Variants in CDH4 observed in about 807,000 individuals in gnomAD.
The protein encoded by CDH4 is cadherin-4.
CDH4 carries 33 observed loss-of-function variants against 86.0 expected under a neutral mutation model. The ratio of observed to expected loss-of-function variants is 0.38; its 90% CI spans 0.29 to 0.51. The LOEUF is 0.51. Among genes scored for constraint, CDH4 ranks in the 20% least tolerant of loss-of-function variants. The probability of loss-of-function intolerance (pLI) is 0.86; values close to 1 mark genes in which losing one functional copy is unlikely to be tolerated. For synonymous variants in CDH4, 555 were observed against 549.4 expected (o/e 1.01, Z -0.14); for missense variants, 1,114 against 1,307.4 (o/e 0.85, Z 2.28).
chr20:61,881,897 C>T (rs553492455), intron 7 of CDH4, among the ~76,000 whole-genome samples: 29 of 152,358 alleles, frequency 1.9e-4, no homozygotes, highest in African/African-American at 5.8e-4. Context: ...ATAAAATCGT[C>T]TGCATTGGGG....
chr20:61,920,054 C>CACG (rs1568887689), intron 9 of CDH4, among the ~76,000 whole-genome samples: 20 of 7,754 alleles, frequency 2.6e-3, no homozygotes, highest in East Asian at 6.8e-3. Flanking sequence ...AGCATGGTAT[C>CACG]GTGATTGTGT....
intron 15 of CDH4, among the ~76,000 whole-genome samples, chr20:61,935,159 G>T (rs1007286923): frequency 6.6e-6 from 1 of 152,194 alleles, no homozygotes; most frequent in Non-Finnish European, 1.5e-5. Flanking sequence ...AGCCCCTGTG[G>T]TTTCATCACC....
intron 2 of CDH4, among the ~76,000 whole-genome samples, chr20:61,368,859 C>A (rs944471958): frequency 6.6e-5 from 10 of 152,078 alleles, no homozygotes; most frequent in African/African-American, 2.4e-4. Context: ...ACTAAAACAC[C>A]CCTTAACGAA....
chr20:61,807,424 A>G lies in CDH4; in HGVS notation c.576+34242A>G, dbSNP rs983710716. 6.6e-6 allele frequency among the ~76,000 whole-genome samples: 1 copy of G among 152,134 alleles called. No individual in the cohort carries two copies. The highest frequency in any genetic ancestry group is 1.5e-5 in the Non-Finnish European group (1 of 68,032). ...TCGTAACAGGGTGTCTGGGTACCTA[A>G]ATGTCGGAATTTGAGGCTATTCAAG... is the stretch of plus-strand genomic sequence containing the variant. On this transcript the variant is annotated intron_variant, in intron 4 of 15. Coordinates refer to ENST00000614565, the MANE Select transcript of CDH4 (RefSeq NM_001794.5). The surrounding 1 kb of genome is among the most constrained non-coding windows in gnomAD (Gnocchi z 4.5).
At chr20:61,495,135 C>T (rs1220091776) in intron 2 of CDH4, among the ~76,000 whole-genome samples, 2 of 152,242 alleles carry the variant, frequency 1.3e-5, no homozygotes, top group African/African-American at 4.8e-5. Flanking sequence ...GGAGCCGATG[C>T]TATTTGTTGA....
At chr20:61,590,598 G>A (rs985145299) in intron 2 of CDH4, among the ~76,000 whole-genome samples, 31 of 152,342 alleles carry the variant, frequency 2.0e-4, no homozygotes, top group Admixed American at 1.6e-3. Flanking sequence ...CTAGGGAGGA[G>A]AGGGGGCTGG....
intron 2 of CDH4, among the ~76,000 whole-genome samples, chr20:61,312,487 G>C (rs546024266): frequency 6.6e-6 from 1 of 152,108 alleles, no homozygotes; most frequent in South Asian, 2.1e-4. Flanking sequence ...GTGAGGAGCC[G>C]CCAGCCCCCG....
At chr20:61,631,942 G>A (rs934546921) in intron 2 of CDH4, among the ~76,000 whole-genome samples, 5 of 152,262 alleles carry the variant, frequency 3.3e-5, no homozygotes, top group Non-Finnish European at 5.9e-5. Context: ...TAAGGAGCCA[G>A]GTGTGGGTGG....
At chr20:61,299,657 A>C (rs1046867498) in intron 2 of CDH4, among the ~76,000 whole-genome samples, 10 of 151,924 alleles carry the variant, frequency 6.6e-5, no homozygotes, top group Non-Finnish European at 1.2e-4. Flanking sequence ...CCTTGCAGAA[A>C]CTCTGGGGTT....
At chr20:61,343,434 A>T (rs1171457561) in intron 2 of CDH4, among the ~76,000 whole-genome samples, 2 of 152,190 alleles carry the variant, frequency 1.3e-5, no homozygotes, top group Non-Finnish European at 2.9e-5. Context: ...TATGTGAGAA[A>T]ATGTGTGTGT....
chr20:61,576,552 C>T (rs2086383818), intron 2 of CDH4, among the ~76,000 whole-genome samples: 1 of 152,174 alleles, frequency 6.6e-6, no homozygotes, highest in African/African-American at 2.4e-5. Context: ...TGCATCCCCT[C>T]CCTGACCGGA....
chr20:61,618,293 G>A (rs1013736682), intron 2 of CDH4, among the ~76,000 whole-genome samples: 1 of 152,078 alleles, frequency 6.6e-6, no homozygotes, highest in Admixed American at 6.5e-5. Flanking sequence ...TTCACTGAGG[G>A]GAGTCTGGCC....
At chr20:61,439,060 G>A (rs1226595924) in intron 2 of CDH4, among the ~76,000 whole-genome samples, 1 of 152,112 alleles carries the variant, frequency 6.6e-6, no homozygotes, top group East Asian at 1.9e-4. Flanking sequence ...TGCCTTCGGT[G>A]TTGACTCTTC....
intron 6 of CDH4, among the ~76,000 whole-genome samples, chr20:61,870,163 C>G (rs1983736464): frequency 6.6e-6 from 1 of 152,216 alleles, no homozygotes. Context: ...TGGAGAAGAG[C>G]TCCAAGCCCA....
At chr20:61,351,651 C>T (rs2084713358) in intron 2 of CDH4, among the ~76,000 whole-genome samples, 1 of 152,058 alleles carries the variant, frequency 6.6e-6, no homozygotes, top group Admixed American at 6.5e-5. Context: ...GGATGCTGTC[C>T]CCTCAAGCAT....
Position 61,837,304 on chromosome 20 carries a change from C to A in CDH4, c.577-7364C>A, listed in dbSNP as rs540731110. ...TCGTCTCCTGTGGAGCATCCAGGGG[C>A]GCTGAGAAGACACTCAGACCCTGTG... On this transcript the variant is annotated intron_variant, in intron 4 of 15. Coordinates refer to ENST00000614565, the MANE Select transcript of CDH4 (RefSeq NM_001794.5). 2.0e-5 allele frequency among the ~76,000 whole-genome samples: 3 copies of A among 152,290 alleles called. No individual in the cohort carries two copies. The East Asian group carries it at 5.8e-4, about 29-fold the overall frequency.
chr20:61,293,045 C>T (rs768360116), intron 2 of CDH4, among the ~76,000 whole-genome samples: 9 of 152,148 alleles, frequency 5.9e-5, no homozygotes, highest in Non-Finnish European at 1.3e-4. Context: ...CCACGCTCCC[C>T]GAGGCTCAGG....
intron 2 of CDH4, among the ~76,000 whole-genome samples, chr20:61,584,797 G>T (rs935807084): frequency 6.6e-6 from 1 of 152,230 alleles, no homozygotes; most frequent in Non-Finnish European, 1.5e-5. Context: ...AGAGCCTGCA[G>T]GGGGCTGACA....
At chr20:61,337,732 A>C (rs1260654703) in intron 2 of CDH4, among the ~76,000 whole-genome samples, 1 of 152,068 alleles carries the variant, frequency 6.6e-6, no homozygotes, top group Non-Finnish European at 1.5e-5. Context: ...CATGACCTTC[A>C]TAATCTGTAA....
Sources: gnomAD v4.1 joint callset for allele counts (sites outside exome capture counted in the v4.1 genomes callset) on GRCh38, gnomAD v4.1.1 for gene constraint, Gnocchi (gnomAD v3.1) non-coding constraint, MANE v1.5 for transcripts, NCBI Gene and HGNC (gene_info 2026-07-23, HGNC 2026-07-21) for gene names.